VCAN: variants seen among roughly 807,000 people sequenced by gnomAD.
VCAN encodes the protein versican core protein.
A neutral mutation model predicts 245.5 loss-of-function variants in VCAN; 44 were observed. The ratio of observed to expected loss-of-function variants is 0.18; its 90% CI spans 0.14 to 0.23. VCAN has a LOEUF of 0.23. VCAN is among the 10% of genes least tolerant of loss of function. The pLI, the probability that VCAN is intolerant of heterozygous loss-of-function variation, is 1.00. For missense variants in VCAN, 3,793 were observed against 4,057.9 expected, an observed-to-expected ratio of 0.93 and a Z score of 1.77; for synonymous variants, 1,413 against 1,437.0, an observed-to-expected ratio of 0.98 and a Z score of 0.38.
Position 83,521,000 on chromosome 5 carries a change from A to G in VCAN, c.2694A>G (p.Arg898=), listed in dbSNP as rs1746070170. The G allele has an allele frequency of 5.0e-6, 8 of 1,613,894 alleles. No homozygotes were observed. Among genetic ancestry groups the G allele is most frequent in the Non-Finnish European group, 6.8e-6 (8 of 1,179,942 alleles). The stretch of plus-strand genomic sequence containing the variant: ...GTATTGCAGAAAAGTCAACTTTGAG[A>G]GATTCTACAACTGAAGAAAAAGTTC... ...STGIAEKSTL[R]DSTTEEKVPP... is the part of the protein sequence containing the mutation. Residue 898 remains arginine, a synonymous_variant, in exon 7 of 15, where the codon AGA becomes AGG. Coordinates refer to ENST00000265077, the MANE Select transcript of VCAN (RefSeq NM_004385.5).
chr5:83,560,574 G>A (rs1375313730), intron 12 of VCAN, among the ~76,000 whole-genome samples: 4 of 152,108 alleles, frequency 2.6e-5, no homozygotes, highest in Non-Finnish European at 5.9e-5. Flanking sequence ...TTATCTGTCA[G>A]TATACCTCCT....
At chr5:83,571,782 TAAG>T (rs1388900501) in intron 12 of VCAN, among the ~76,000 whole-genome samples, 1 of 152,114 alleles carries the variant, frequency 6.6e-6, no homozygotes, top group African/African-American at 2.4e-5. Context: ...ATGGTGCAAA[TAAG>T]AATCACATCT....
chr5:83,490,730 A>G (rs4558964), intron 3 of VCAN, among the ~76,000 whole-genome samples: 49,530 of 152,064 alleles, frequency 0.33, 8,349 homozygotes, highest in East Asian at 0.49. Context: ...ACCTCAAGGC[A>G]TGACACATAA....
chr5:83,473,550 C>T (rs1056982428), intron 1 of VCAN, among the ~76,000 whole-genome samples: 1 of 152,178 alleles, frequency 6.6e-6, no homozygotes, highest in Middle Eastern at 3.2e-3. Flanking sequence ...CCCTCCCCCA[C>T]AGCTGACAAA....
intron 5 of VCAN, among the ~76,000 whole-genome samples, chr5:83,499,062 T>C (rs1379286729): frequency 6.6e-6 from 1 of 152,038 alleles, no homozygotes; most frequent in Non-Finnish European, 1.5e-5. Flanking sequence ...GTCTGCTCTG[T>C]TCCTCTCAGG....
At chr5:83,558,859 T>C (rs1477285051) in intron 12 of VCAN, among the ~76,000 whole-genome samples, 1 of 152,162 alleles carries the variant, frequency 6.6e-6, no homozygotes, top group African/African-American at 2.4e-5. Flanking sequence ...ACTTTTTTTA[T>C]TTGGGGTGTT....
chr5:83,535,997 A>G (rs1379106886), intron 7 of VCAN: 2 of 152,178 alleles, frequency 1.3e-5, no homozygotes, highest in Middle Eastern at 3.2e-3. Flanking sequence ...CTCTATGATG[A>G]GACCTCAGAA....
In VCAN at chr5:83,490,358, G is replaced by A; in HGVS notation, c.331G>A (p.Gly111Ser). ...VSVPTHPEAV[G>S]DASLTVVKLL... ...TGTGCCCACACATCCCGAGGCTGTG[G>A]GCGATGCCTCCCTCACTGTGGTCAA... The change falls in exon 3 of 15, where the codon GGC (glycine) becomes AGC (serine). Residue 111 changes from glycine (G) to serine (S), a missense_variant. Around this residue, in one of 5 missense-constraint regions of VCAN, gnomAD observed 179 missense variants for 169.7 expected, o/e 1.05. Coordinates refer to ENST00000265077, the MANE Select transcript of VCAN (RefSeq NM_004385.5). The A allele has an allele frequency of 6.2e-7, 1 of 1,614,212 alleles. No individual in the cohort carries two copies. The highest frequency in any genetic ancestry group is 8.5e-7 in the Non-Finnish European group (1 of 1,180,040).
intron 10 of VCAN, among the ~76,000 whole-genome samples, chr5:83,551,162 G>C (rs16900562): frequency 0.03 from 4,547 of 152,066 alleles, 71 homozygotes; most frequent in Middle Eastern, 0.071. Flanking sequence ...TAAATTTTGT[G>C]ATCATCTGGG....
In VCAN at chr5:83,573,647, A is replaced by C. The variant is rs188628707; in HGVS notation, c.9880+1087A>C. On this transcript the variant is annotated intron_variant, in intron 13 of 14. Coordinates refer to ENST00000265077, the MANE Select transcript of VCAN (RefSeq NM_004385.5). ...TGCTTCATAAGCCACTTTAGACAAT[A>C]AAATAAATAGACAATAAAAACATAC... Among the ~76,000 whole-genome samples, 234 of 152,342 alleles carry C rather than the reference A, an allele frequency of 1.5e-3. 4 individuals carry two copies. Among genetic ancestry groups the C allele is most frequent in the Admixed American group, 0.014 (210 of 15,296 alleles).
intron 5 of VCAN, 30 bp downstream of exon 5, chr5:83,493,961 A>G: frequency 1.2e-6 from 2 of 1,613,606 alleles, no homozygotes; most frequent in Non-Finnish European, 1.7e-6. Flanking sequence ...ATATCTTCGT[A>G]TGAACTGAGA....
intron 12 of VCAN, among the ~76,000 whole-genome samples, chr5:83,567,457 C>T (rs373961494): frequency 4.2e-5 from 6 of 144,200 alleles, no homozygotes; most frequent in African/African-American, 7.9e-5. Flanking sequence ...GCTGCCACTA[C>T]GTCCGGCTAA....
chr5:83,533,267 G>A (rs1246453347), intron 7 of VCAN, among the ~76,000 whole-genome samples: 1 of 152,112 alleles, frequency 6.6e-6, no homozygotes, highest in Non-Finnish European at 1.5e-5. Flanking sequence ...AAATAGTTGC[G>A]AGGTGGGTGG....
At chr5:83,481,395 C>CTT (rs1391672270) in intron 1 of VCAN, among the ~76,000 whole-genome samples, 1 of 151,916 alleles carries the variant, frequency 6.6e-6, no homozygotes, top group African/African-American at 2.4e-5. Context: ...TTCTTTAACA[C>CTT]CTTTTTATCA....
At chr5:83,506,520 C>T (rs1745488237) in intron 5 of VCAN, among the ~76,000 whole-genome samples, 1 of 78,158 alleles carries the variant, frequency 1.3e-5, no homozygotes, top group South Asian at 4.6e-4. Context: ...ACCTTATTGT[C>T]AATATCATCA....
At chr5:83,526,957 A>G (rs1446579883) in intron 7 of VCAN, among the ~76,000 whole-genome samples, 1 of 152,218 alleles carries the variant, frequency 6.6e-6, no homozygotes, top group Non-Finnish European at 1.5e-5. Flanking sequence ...AAACGAAGGT[A>G]CACTGAGTCT....
chr5:83,504,407 C>T (rs1347907865), intron 5 of VCAN, among the ~76,000 whole-genome samples: 7 of 138,754 alleles, frequency 5.0e-5, no homozygotes, highest in African/African-American at 8.1e-5. Context: ...TTTTTTGAGA[C>T]GGAGTCTCTC....
intron 12 of VCAN, among the ~76,000 whole-genome samples, chr5:83,558,211 C>T (rs1747744068): frequency 6.6e-6 from 1 of 152,138 alleles, no homozygotes; most frequent in Non-Finnish European, 1.5e-5. Context: ...TAACGGGTTC[C>T]ATATGTGTGC....
rs114069620 is a variant in VCAN, at chr5:83,557,280, T to A, written c.9735+2242T>A. On this transcript the variant is annotated intron_variant, in intron 12 of 14. Transcript: ENST00000265077. ...ATAGATTTGATGTGTGTGTTTTTATTCTTAGCATGTATGTGTGTTACTAGA... is the reference window on the plus strand; with the variant it reads ...ATAGATTTGATGTGTGTGTTTTTATACTTAGCATGTATGTGTGTTACTAGA... 8.5e-3 allele frequency among the ~76,000 whole-genome samples: 1,287 copies of A among 152,266 alleles called. 17 individuals carry two copies. The highest frequency in any genetic ancestry group is 0.033 in the East Asian group (169 of 5,184).
Sources: gnomAD v4.1 joint callset for allele counts (sites outside exome capture counted in the v4.1 genomes callset) on GRCh38, gnomAD v4.1.1 for gene constraint, gnomAD v4.1.1 regional missense constraint, MANE v1.5 for transcripts, NCBI Gene and HGNC (gene_info 2026-07-23, HGNC 2026-07-21) for gene names.